SAMMSON: variants seen among roughly 807,000 people sequenced by gnomAD.
SAMMSON encodes survival associated mitochondrial melanoma specific oncogenic non-coding RNA.
At chr3:70,092,385 A>T (rs1367505883) in intron 4 of SAMMSON, among the ~76,000 whole-genome samples, 1 of 149,922 alleles carries the variant, frequency 6.7e-6, no homozygotes, top group Non-Finnish European at 1.5e-5. Flanking sequence ...CAGTTGCATC[A>T]TTTTTCACCT....
At chr3:70,057,494 A>G (rs2067172528) in intron 3 of SAMMSON, among the ~76,000 whole-genome samples, 1 of 152,076 alleles carries the variant, frequency 6.6e-6, no homozygotes, top group Non-Finnish European at 1.5e-5. Flanking sequence ...TTAGTTTTGA[A>G]ATAACAGCAT....
intron 4 of SAMMSON, chr3:70,196,847 C>G: frequency 2.5e-6 from 1 of 397,846 alleles, no homozygotes; most frequent in Non-Finnish European, 4.4e-6. Flanking sequence ...TACATTTCAG[C>G]ACATGGAAAT....
intron 3 of SAMMSON, among the ~76,000 whole-genome samples, chr3:70,039,775 G>T (rs1302595105): frequency 6.6e-6 from 1 of 151,878 alleles, no homozygotes. Flanking sequence ...CTTAGAAGTG[G>T]TCCCTGCAGC....
intron 9 of SAMMSON, among the ~76,000 whole-genome samples, chr3:70,369,637 G>T (rs1470552261): frequency 6.6e-6 from 1 of 151,440 alleles, no homozygotes; most frequent in Non-Finnish European, 1.5e-5. Flanking sequence ...CCAGTTTCTT[G>T]TAATTAAGTA....
Position 70,106,341 on chromosome 3 carries a change from C to CT in SAMMSON, n.507+34791dup, listed in dbSNP as rs770411041. On this transcript the variant is annotated intron_variant and non_coding_transcript_variant, in intron 4 of 9. Transcript: ENST00000642114. Reference sequence around the variant, plus strand: ...GTCTGGAGGGCAGCCTGAGAATCTGCTTTTTTTTTTTTTTTAAGAGACAGG... The same window carrying CT: ...GTCTGGAGGGCAGCCTGAGAATCTGCTTTTTTTTTTTTTTTTAAGAGACAGG... Among the ~76,000 whole-genome samples the CT allele has an allele frequency of 2.4e-3, 326 of 137,534 alleles. 1 individual carries two copies. The highest frequency in any genetic ancestry group is 7.0e-3 in the South Asian group (30 of 4,296). 90.2% of individuals were successfully genotyped at this position (137,534 alleles called of 152,430 possible).
At chr3:70,043,056 T>C (rs960690908) in intron 3 of SAMMSON, among the ~76,000 whole-genome samples, 5 of 152,126 alleles carry the variant, frequency 3.3e-5, no homozygotes, top group Admixed American at 1.3e-4. Context: ...ATGTATATCA[T>C]GCACCCCAAG....
chr3:70,037,350 A>T (rs756194151), intron 3 of SAMMSON, among the ~76,000 whole-genome samples: 1 of 152,068 alleles, frequency 6.6e-6, no homozygotes, highest in Non-Finnish European at 1.5e-5. Flanking sequence ...ATATACAGAA[A>T]GATGTTAAGA....
chr3:70,296,597 A>C (rs1702291615), intron 7 of SAMMSON, among the ~76,000 whole-genome samples: 1 of 152,200 alleles, frequency 6.6e-6, no homozygotes, highest in South Asian at 2.1e-4. Context: ...AAAAGGCATG[A>C]TCATTTACCC....
chr3:70,429,556 G>A (rs1389507470), intron 2 of SAMMSON, among the ~76,000 whole-genome samples: 1 of 152,106 alleles, frequency 6.6e-6, no homozygotes, highest in East Asian at 1.9e-4. Context: ...ATTACTTTGG[G>A]CAATATGGCC....
At chr3:70,290,968 C>G (rs1252568362) in intron 6 of SAMMSON, among the ~76,000 whole-genome samples, 1 of 152,250 alleles carries the variant, frequency 6.6e-6, no homozygotes, top group African/African-American at 2.4e-5. Flanking sequence ...CTGGCACTCC[C>G]TAGTGAGATG....
intron 4 of SAMMSON, among the ~76,000 whole-genome samples, chr3:70,085,615 C>T (rs1019092248): frequency 3.9e-5 from 6 of 152,186 alleles, no homozygotes; most frequent in Non-Finnish European, 8.8e-5. Flanking sequence ...CACTCTTCCT[C>T]CCAAACTCCT....
At chr3:70,337,872 A>C (rs1702677801) in intron 7 of SAMMSON, among the ~76,000 whole-genome samples, 1 of 151,820 alleles carries the variant, frequency 6.6e-6, no homozygotes, top group African/African-American at 2.4e-5. Flanking sequence ...CCATAGCTTT[A>C]ATCTTAAACA....
intron 7 of SAMMSON, among the ~76,000 whole-genome samples, chr3:70,339,866 A>C (rs918387801): frequency 6.6e-6 from 1 of 152,208 alleles, no homozygotes; most frequent in African/African-American, 2.4e-5. Context: ...AGGATCTAGA[A>C]CTGGAAATAC....
At chr3:70,260,169 C>G (rs1198195376) in intron 6 of SAMMSON, among the ~76,000 whole-genome samples, 2 of 152,286 alleles carry the variant, frequency 1.3e-5, no homozygotes, top group African/African-American at 4.8e-5. Flanking sequence ...CCCTCTGAAA[C>G]ATCCTGCCCT....
At chr3:70,013,793 G>A (rs757853939) in intron 3 of SAMMSON, 1 of 152,108 alleles carries the variant, frequency 6.6e-6, no homozygotes, top group Non-Finnish European at 1.5e-5. Flanking sequence ...TCTTATTGCA[G>A]CTTTAGAAAC....
chr3:70,019,166 A>C (rs149206099), intron 3 of SAMMSON, among the ~76,000 whole-genome samples: 1 of 152,120 alleles, frequency 6.6e-6, no homozygotes, highest in Admixed American at 6.5e-5. Context: ...TGATGTGTCT[A>C]ATGTTGACAG....
Position 70,110,142 on chromosome 3 carries a change from G to A in SAMMSON, n.507+38577G>A, listed in dbSNP as rs545812385. Among the ~76,000 whole-genome samples the A allele has an allele frequency of 4.6e-5, 7 of 152,302 alleles. No homozygotes were observed. The South Asian group carries it at 1.4e-3, about 32-fold the overall frequency. The stretch of plus-strand genomic sequence containing the variant: ...AGATACACAGAAAACTTTCTTTGAG[G>A]TGGTGAATTATTTTGTATTGCATCA... On this transcript the variant is annotated intron_variant and non_coding_transcript_variant, in intron 4 of 9. Coordinates refer to ENST00000642114, the Ensembl canonical transcript of SAMMSON.
intron 4 of SAMMSON, among the ~76,000 whole-genome samples, chr3:70,114,405 G>C (rs900537443): frequency 6.6e-6 from 1 of 152,190 alleles, no homozygotes; most frequent in African/African-American, 2.4e-5. Context: ...TTTGTCGACA[G>C]AGTAAAATAT....
Position 70,388,570 on chromosome 3 carries a change from T to C in SAMMSON, n.914-1004T>C, listed in dbSNP as rs148610404. Among the ~76,000 whole-genome samples, 614 of 152,284 alleles carry C rather than the reference T, an allele frequency of 4.0e-3. 1 individual carries two copies. Among genetic ancestry groups the C allele is most frequent in the Middle Eastern group, 0.014 (4 of 294 alleles). ...CTGCAAAAATCTACATGCTCACTTC[T>C]CAATTTCCTTTTTAGTTAAGGACAG... is the stretch of plus-strand genomic sequence containing the variant. On this transcript the variant is annotated intron_variant and non_coding_transcript_variant, in intron 9 of 9. Coordinates refer to ENST00000642114, the Ensembl canonical transcript of SAMMSON.
Sources: gnomAD v4.1 joint callset for allele counts (sites outside exome capture counted in the v4.1 genomes callset) on GRCh38, gnomAD v4.1.1 for gene constraint, MANE v1.5 for transcripts, NCBI Gene and HGNC (gene_info 2026-07-23, HGNC 2026-07-21) for gene names.